Variants in SPINK5 observed in about 807,000 individuals in gnomAD.
SPINK5 encodes the protein serine peptidase inhibitor Kazal type 5.
A neutral mutation model predicts 151.8 loss-of-function variants in SPINK5; 125 were observed. That is an observed-to-expected ratio of 0.82 (90% CI 0.71 to 0.96). The LOEUF (loss-of-function observed/expected upper bound fraction) is 0.96. SPINK5 is among the 40% of genes least tolerant of loss of function. SPINK5 has a pLI of 0.00. For missense variants in SPINK5, 1,194 were observed against 1,291.9 expected, an observed-to-expected ratio of 0.92 and a Z score of 1.16; for synonymous variants, 374 against 395.3, an observed-to-expected ratio of 0.95 and a Z score of 0.64.
intron 10 of SPINK5, among the ~76,000 whole-genome samples, chr5:148,097,354 C>A (rs1182585639): frequency 6.6e-6 from 1 of 151,974 alleles, no homozygotes; most frequent in Admixed American, 6.6e-5. Context: ...TTCTCTTTAT[C>A]CAACTAATTA....
chr5:148,137,022 A>C lies in SPINK5; in HGVS notation c.*31A>C. ...AGATTGTTGAAAGCCATGAGGGAAA[A>C]AATAAACCCCAGTTCTGAATCACCT... On this transcript the variant is annotated 3_prime_UTR_variant, in exon 33 of 33. Transcript: ENST00000256084. 6.2e-7 allele frequency: 1 copy of C among 1,613,498 alleles called. No homozygotes were observed. Among genetic ancestry groups the C allele is most frequent in the Non-Finnish European group, 8.5e-7 (1 of 1,179,508 alleles).
chr5:148,104,720 C>A (rs891075133), intron 15 of SPINK5, among the ~76,000 whole-genome samples: 1 of 151,952 alleles, frequency 6.6e-6, no homozygotes, highest in Non-Finnish European at 1.5e-5. Flanking sequence ...ATGGTGAAAC[C>A]CCGTCTCTAC....
Position 148,120,107 on chromosome 5 carries a change from C to T in SPINK5, c.2412C>T (p.Gly804=), listed in dbSNP as rs33920397. Reference sequence around the variant, plus strand: ...GGGGTCCAGATGGCAAGACACATGGCAATAAGTGTACTATGTGTAAGGAAA... The same window carrying T: ...GGGGTCCAGATGGCAAGACACATGGTAATAAGTGTACTATGTGTAAGGAAA... ...PVRGPDGKTH[G]NKCTMCKEKL... The change falls in exon 25 of 33, where the codon GGC becomes GGT. Residue 804 remains glycine, a synonymous_variant. Transcript: ENST00000256084. 968,511 of 1,612,934 alleles carry T rather than the reference C, an allele frequency of 0.6. 295,935 individuals are homozygous for T. The highest frequency in any genetic ancestry group is 0.7 in the Admixed American group (42,268 of 59,994).
At chr5:148,085,835 A>C (rs1753139582) in intron 4 of SPINK5, among the ~76,000 whole-genome samples, 2 of 151,956 alleles carry the variant, frequency 1.3e-5, no homozygotes, top group South Asian at 4.1e-4. Flanking sequence ...CAAGTGCTAT[A>C]CATGAATTAA....
intron 15 of SPINK5, among the ~76,000 whole-genome samples, chr5:148,104,482 A>G (rs989449726): frequency 6.6e-6 from 1 of 152,222 alleles, no homozygotes; most frequent in African/African-American, 2.4e-5. Context: ...AGTGAATCAT[A>G]ATTGTTTATT....
chr5:148,089,348 A>G (rs1331861430), intron 6 of SPINK5, 146 bp from the exon 7 acceptor site: 1 of 989,178 alleles, frequency 1.0e-6, no homozygotes, highest in Non-Finnish European at 1.6e-6. Context: ...ATTATAGAGT[A>G]CTTACTGAGC....
At chr5:148,101,754 T>G (rs749428329) in intron 14 of SPINK5, 27 bp from the exon 15 acceptor site, 2 of 1,613,460 alleles carry the variant, frequency 1.2e-6, no homozygotes, top group Non-Finnish European at 1.7e-6. Context: ...TGTTCAACAC[T>G]TTCAACTTCC....
At chr5:148,125,629 G>A (rs747086998) in intron 28 of SPINK5, 94 bp from the exon 29 acceptor site, 1 of 1,614,036 alleles carries the variant, frequency 6.2e-7, no homozygotes, top group African/African-American at 1.3e-5. Flanking sequence ...TCTGAGCCCA[G>A]AGCTAAGAGA....
At chr5:148,113,341 A>C (rs75864836) in intron 20 of SPINK5, among the ~76,000 whole-genome samples, 4,526 of 152,260 alleles carry the variant, frequency 0.03, 237 homozygotes, top group African/African-American at 0.1. Flanking sequence ...CTTGCATGTA[A>C]AGTTAATGGG....
chr5:148,094,708 A>G (rs1284331666), intron 9 of SPINK5, among the ~76,000 whole-genome samples: 1 of 151,982 alleles, frequency 6.6e-6, no homozygotes, highest in Non-Finnish European at 1.5e-5. Flanking sequence ...ATTGACTTAC[A>G]GCATAGCACA....
At chr5:148,081,488 CTA>C (rs1371503777) in intron 4 of SPINK5, among the ~76,000 whole-genome samples, 1 of 151,666 alleles carries the variant, frequency 6.6e-6, no homozygotes, top group African/African-American at 2.4e-5. Context: ...TTCAAAAACA[CTA>C]TGCAAAGTGA....
At chr5:148,109,998 A>G (rs538498339) in intron 18 of SPINK5, among the ~76,000 whole-genome samples, 6 of 152,280 alleles carry the variant, frequency 3.9e-5, no homozygotes, top group Non-Finnish European at 7.4e-5. Flanking sequence ...GCATTGATTC[A>G]TGGCTTTCTA....
intron 16 of SPINK5, among the ~76,000 whole-genome samples, chr5:148,106,283 A>T (rs1243223114): frequency 2.6e-5 from 4 of 151,838 alleles, no homozygotes; most frequent in Non-Finnish European, 4.4e-5. Context: ...GATCAGACTT[A>T]TTCTCTTCTC....
intron 12 of SPINK5, 82 bp downstream of exon 12, chr5:148,099,397 C>A: frequency 8.3e-7 from 1 of 1,204,824 alleles, no homozygotes; most frequent in Non-Finnish European, 1.2e-6. Context: ...AGATTTTGCC[C>A]TGCAGAAATC....
chr5:148,127,876 G>A (rs900917829), intron 30 of SPINK5, among the ~76,000 whole-genome samples: 4 of 151,946 alleles, frequency 2.6e-5, no homozygotes, highest in African/African-American at 4.8e-5. Context: ...CCTCTCTCTC[G>A]TAGCTGATGG....
intron 16 of SPINK5, among the ~76,000 whole-genome samples, chr5:148,106,438 A>C (rs1352331083): frequency 1.3e-5 from 2 of 151,560 alleles, no homozygotes; most frequent in African/African-American, 4.8e-5. Flanking sequence ...CCTCCCACCT[A>C]AGCCTCCCAA....
In SPINK5 at chr5:148,123,515, ATATGTG is replaced by A. The variant is rs1439906364; in HGVS notation, c.2539-314_2539-309del. Among the ~76,000 whole-genome samples the A allele has an allele frequency of 0.24, 5,379 of 22,346 alleles. 315 individuals carry two copies. The highest frequency in any genetic ancestry group is 0.52 in the South Asian group (777 of 1,504). 14.7% of individuals were successfully genotyped at this position (22,346 alleles called of 152,430 possible). A position where few individuals can be genotyped will look rare whatever the true frequency, so the allele number is the denominator to read the frequency against. On this transcript the variant is annotated intron_variant, in intron 26 of 32. Transcript: ENST00000256084. The stretch of plus-strand genomic sequence containing the variant: ...CCAGCCTGGAGTGCAGTGGTGCAAT[ATATGTG>A]TATATATATATATATATATATATAT...
intron 15 of SPINK5, 44 bp from the exon 16 acceptor site, chr5:148,104,908 A>C: frequency 1.3e-6 from 2 of 1,588,490 alleles, no homozygotes; most frequent in Non-Finnish European, 1.7e-6. Context: ...AAAAGAAAAA[A>C]AAAAATCCAT....
At chr5:148,117,674 T>G (rs1754131568) in intron 22 of SPINK5, among the ~76,000 whole-genome samples, 1 of 152,180 alleles carries the variant, frequency 6.6e-6, no homozygotes, top group South Asian at 2.1e-4. Flanking sequence ...GTACTTAATT[T>G]TTTTTCAACC....
Sources: gnomAD v4.1 joint callset for allele counts (sites outside exome capture counted in the v4.1 genomes callset) on GRCh38, gnomAD v4.1.1 for gene constraint, MANE v1.5 for transcripts, NCBI Gene and HGNC (gene_info 2026-07-23, HGNC 2026-07-21) for gene names.